Variants in KSR1 observed in about 807,000 individuals in gnomAD.
KSR1 encodes the protein kinase suppressor of ras.
KSR1 carries 35 observed loss-of-function variants against 92.9 expected under a neutral mutation model. The observed-to-expected ratio is 0.38, with a 90% CI of 0.29 to 0.50. The LOEUF is 0.50. KSR1 is among the 20% of genes least tolerant of loss of function. KSR1 has a pLI of 0.94. For missense variants in KSR1, 972 were observed against 1,158.5 expected (o/e 0.84, Z 2.34); for synonymous variants, 467 against 472.6 (o/e 0.99, Z 0.15).
chr17:27,535,130 A>AAATCATG (rs1234550185), intron 1 of KSR1, among the ~76,000 whole-genome samples: 3 of 152,082 alleles, frequency 2.0e-5, no homozygotes, highest in Admixed American at 6.5e-5. Flanking sequence ...TATGAATTTA[A>AAATCATG]AATCATGCTT....
At chr17:27,567,895 G>T (rs2072148585) in intron 2 of KSR1, among the ~76,000 whole-genome samples, 1 of 152,190 alleles carries the variant, frequency 6.6e-6, no homozygotes, top group Admixed American at 6.5e-5. Flanking sequence ...TGACTAGATT[G>T]TCCCTAAGTT....
intron 1 of KSR1, 60 bp downstream of exon 1, chr17:27,456,934 C>T (rs1022962453): frequency 6.7e-6 from 5 of 741,978 alleles, no homozygotes; most frequent in African/African-American, 1.7e-5. Context: ...TCCCTCCGGG[C>T]CCCAGTACTC....
At chr17:27,603,350 C>CT (rs1458334976) in intron 11 of KSR1, among the ~76,000 whole-genome samples, 1 of 152,268 alleles carries the variant, frequency 6.6e-6, no homozygotes, top group East Asian at 1.9e-4. Context: ...CCAGGTGTCG[C>CT]TAATGAGCCA....
In KSR1 at chr17:27,607,975, A is replaced by T. The variant is rs1329260427; in HGVS notation, c.2056A>T (p.Asn686Tyr). 2 of 1,610,818 alleles carry T rather than the reference A, an allele frequency of 1.2e-6. No homozygotes were observed. The highest frequency in any genetic ancestry group is 1.7e-6 in the Non-Finnish European group (2 of 1,178,550). The change falls in exon 15 of 21, where the codon AAC becomes TAC. Residue 686 changes from asparagine to tyrosine, a missense_variant. Physicochemically the swap from Asn to Tyr is moderately radical, Grantham distance 143. Coordinates refer to ENST00000644974, the MANE Select transcript of KSR1 (RefSeq NM_001394583.1). Reference protein sequence around the residue: ...VRDPKTSLDINKTRQIAQEII... With the variant: ...VRDPKTSLDIYKTRQIAQEII... ...GGACCCCAAGACGTCTCTGGACATC[A>T]ACAAGACGAGGCAAATCGCTCAGGA...
chr17:27,593,355 G>A (rs1406419133), intron 9 of KSR1, among the ~76,000 whole-genome samples: 2 of 152,236 alleles, frequency 1.3e-5, no homozygotes, highest in South Asian at 2.1e-4. Context: ...TGGCTGCTGG[G>A]TGCAGGCTTC....
intron 19 of KSR1, among the ~76,000 whole-genome samples, chr17:27,618,182 G>A (rs2074116954): frequency 6.6e-6 from 1 of 151,898 alleles, no homozygotes; most frequent in South Asian, 2.1e-4. Flanking sequence ...CTCTTATGGG[G>A]ACCACAGTCA....
At chr17:27,461,916 G>C (rs1299393335) in intron 1 of KSR1, among the ~76,000 whole-genome samples, 4 of 82,414 alleles carry the variant, frequency 4.9e-5, no homozygotes, top group Non-Finnish European at 1.2e-4. Flanking sequence ...CACGGTGGCA[G>C]TGTCTGCAAT....
At chr17:27,556,217 T>C (rs2071589760) in intron 2 of KSR1, among the ~76,000 whole-genome samples, 2 of 152,210 alleles carry the variant, frequency 1.3e-5, no homozygotes, top group Non-Finnish European at 2.9e-5. Context: ...CGGTTATTTA[T>C]TTATTTATAT....
intron 1 of KSR1, among the ~76,000 whole-genome samples, chr17:27,515,440 C>T (rs758006840): frequency 2.0e-5 from 3 of 152,092 alleles, no homozygotes; most frequent in Admixed American, 6.5e-5. Flanking sequence ...CGTTACACGC[C>T]GCATGACTGT....
chr17:27,601,987 A>C, intron 11 of KSR1: 1 of 1,546,032 alleles, frequency 6.5e-7, no homozygotes, highest in Non-Finnish European at 8.8e-7. Flanking sequence ...TCCCTTCTGC[A>C]AAAGTTGTTT....
chr17:27,465,587 A>T (rs2019659338), intron 1 of KSR1: 1 of 152,204 alleles, frequency 6.6e-6, no homozygotes, highest in Admixed American at 6.5e-5. Context: ...AAGGGGGGAA[A>T]GTGTAATGCA....
chr17:27,491,901 T>G (rs1416238191), intron 1 of KSR1, among the ~76,000 whole-genome samples: 3 of 152,134 alleles, frequency 2.0e-5, no homozygotes, highest in African/African-American at 7.2e-5. Context: ...GCTACACTCC[T>G]GCTATACTCT....
In KSR1 at chr17:27,565,479, C is replaced by T. The variant is rs997718267; in HGVS notation, c.373-12013C>T. Among the ~76,000 whole-genome samples, 4 of 152,234 alleles carry T rather than the reference C, an allele frequency of 2.6e-5. No homozygotes were observed. In the East Asian group the frequency reaches 5.8e-4, roughly 22 times the overall value. ...TCACCCTGTCACCCAGGCTGGAGTG[C>T]ATTGGCACAATCTTGGCTCACTGCA... On this transcript the variant is annotated intron_variant, in intron 2 of 20. Transcript: ENST00000644974.
Position 27,568,736 on chromosome 17 carries a change from G to A in KSR1, c.373-8756G>A, listed in dbSNP as rs569543360. On this transcript the variant is annotated intron_variant, in intron 2 of 20. Transcript: ENST00000644974. ...TCATAGGATTACCGCATCCCAGTTT[G>A]CCGGCAACAGTCCCAGCTGAGGCCT... Among the ~76,000 whole-genome samples, 6 of 152,330 alleles carry A rather than the reference G, an allele frequency of 3.9e-5. No individual in the cohort carries two copies. The South Asian group carries it at 8.3e-4, about 21-fold the overall frequency.
intron 1 of KSR1, among the ~76,000 whole-genome samples, chr17:27,476,602 T>C (rs946655095): frequency 3.9e-5 from 6 of 152,322 alleles, no homozygotes; most frequent in African/African-American, 1.4e-4. Flanking sequence ...TTGCCCGTGA[T>C]GTGCCCTGGG....
chr17:27,469,278 G>A (rs895432815), intron 1 of KSR1, among the ~76,000 whole-genome samples: 4 of 152,080 alleles, frequency 2.6e-5, no homozygotes, highest in Non-Finnish European at 5.9e-5. Flanking sequence ...ATCCCAACAG[G>A]TAGTTTTCTT....
intron 9 of KSR1, among the ~76,000 whole-genome samples, chr17:27,595,640 C>A (rs1307428110): frequency 7.5e-6 from 1 of 132,770 alleles, no homozygotes; most frequent in Non-Finnish European, 1.6e-5. Context: ...CCTTCACCCC[C>A]CTTTTCTCAT....
chr17:27,584,105 G>A, intron 4 of KSR1: 1 of 458,872 alleles, frequency 2.2e-6, no homozygotes, highest in Non-Finnish European at 2.9e-6. Flanking sequence ...AGCACAGAAA[G>A]AAAGGGAGTG....
At chr17:27,486,119 C>G (rs1420285779) in intron 1 of KSR1, among the ~76,000 whole-genome samples, 1 of 152,246 alleles carries the variant, frequency 6.6e-6, no homozygotes, top group Non-Finnish European at 1.5e-5. Flanking sequence ...GCCTCCAATA[C>G]ATGAAGCAGG....
Sources: gnomAD v4.1 joint callset for allele counts (sites outside exome capture counted in the v4.1 genomes callset) on GRCh38, gnomAD v4.1.1 for gene constraint, MANE v1.5 for transcripts, NCBI Gene and HGNC (gene_info 2026-07-23, HGNC 2026-07-21) for gene names.